TTLL12: variants seen among roughly 807,000 people sequenced by gnomAD.
TTLL12 encodes tubulin--tyrosine ligase-like protein 12.
Under a neutral mutation model 79.6 loss-of-function variants are expected in TTLL12, and 77 were observed. That is an observed-to-expected ratio of 0.97 (90% CI 0.81 to 1.17). The LOEUF is 1.17. TTLL12 is among the 50% of genes most tolerant of loss of function. The probability of loss-of-function intolerance (pLI) is 0.00; values close to 1 mark genes in which losing one functional copy is unlikely to be tolerated. For missense variants in TTLL12, 969 were observed against 895.9 expected, an observed-to-expected ratio of 1.08 and a Z score of -1.04; for synonymous variants, 437 against 376.1, an observed-to-expected ratio of 1.16 and a Z score of -1.87.
intron 2 of TTLL12, among the ~76,000 whole-genome samples, chr22:43,181,175 T>C (rs1932047534): frequency 6.6e-6 from 1 of 152,160 alleles, no homozygotes; most frequent in Non-Finnish European, 1.5e-5. Flanking sequence ...TTCAAGCTTC[T>C]CAAACAGGGC....
Position 43,168,004 on chromosome 22 carries a change from G to A in TTLL12, c.*4C>T. 7 of 1,613,238 alleles carry A rather than the reference G, an allele frequency of 4.3e-6. No individual in the cohort carries two copies. The highest frequency in any genetic ancestry group is 5.9e-6 in the Non-Finnish European group (7 of 1,179,412). On this transcript the variant is annotated 3_prime_UTR_variant, in exon 14 of 14. Coordinates refer to ENST00000216129, the MANE Select transcript of TTLL12 (RefSeq NM_015140.4). ...CAAGCACAGGTTTTGGGGACAGCGA[G>A]TGCCTAGACAAGGCAGGTAACGTGG...
chr22:43,172,537 G>A lies in TTLL12; in HGVS notation c.1359C>T (p.Ile453=), dbSNP rs373585281. The A allele has an allele frequency of 4.3e-6, 7 of 1,613,926 alleles. No individual in the cohort carries two copies. The highest frequency in any genetic ancestry group is 4.0e-5 in the African/African-American group (3 of 74,872). The change falls in exon 10 of 14, where the codon ATC becomes ATT. Residue 453 remains isoleucine (I), a synonymous_variant. Transcript: ENST00000216129. ...CTCGAAGGAACAACACGGGACTTTCGATGTACTTGGACACAACCTGGAGGA... is the reference window on the plus strand; with the variant it reads ...CTCGAAGGAACAACACGGGACTTTCAATGTACTTGGACACAACCTGGAGGA... ...ESTPKVVSKY[I]ESPVLFLRED... is the part of the protein sequence containing the mutation.
chr22:43,183,575 A>G (rs974474181), intron 1 of TTLL12, among the ~76,000 whole-genome samples: 5 of 152,226 alleles, frequency 3.3e-5, no homozygotes, highest in African/African-American at 4.8e-5. Flanking sequence ...GGCACACCCC[A>G]ATGCCCCCCT....
chr22:43,176,681 G>A (rs1931923045), intron 5 of TTLL12, among the ~76,000 whole-genome samples: 1 of 134,430 alleles, frequency 7.4e-6, no homozygotes, highest in South Asian at 2.5e-4. Context: ...AGTGAGCCGA[G>A]ATTGCGCCAC....
chr22:43,183,575 A>C (rs974474181), intron 1 of TTLL12, among the ~76,000 whole-genome samples: 5 of 152,226 alleles, frequency 3.3e-5, no homozygotes, highest in African/African-American at 4.8e-5. Context: ...GGCACACCCC[A>C]ATGCCCCCCT....
chr22:43,169,480 G>A lies in TTLL12; in HGVS notation c.1644+20C>T. The stretch of plus-strand genomic sequence containing the variant: ...GGACCCGCCCCACCGGCCTGCGATG[G>A]TGTGCAGGACAGGAATTACCTGGAC... On this transcript the variant is annotated intron_variant, in intron 12 of 13. Coordinates refer to ENST00000216129, the MANE Select transcript of TTLL12 (RefSeq NM_015140.4). 4 of 1,565,488 alleles carry A rather than the reference G, an allele frequency of 2.6e-6. No homozygotes were observed. In the African/African-American group the frequency reaches 4.1e-5, roughly 16 times the overall value.
chr22:43,176,729 C>CAAAAAA (rs869094672), intron 5 of TTLL12, among the ~76,000 whole-genome samples: 3 of 58,904 alleles, frequency 5.1e-5, no homozygotes, highest in African/African-American at 6.9e-5. Flanking sequence ...GACTACATCT[C>CAAAAAA]AAAAAAAAAA....
intron 11 of TTLL12, chr22:43,171,526 GCTGGGAACACA>G: frequency 3.3e-6 from 1 of 303,270 alleles, no homozygotes. Context: ...GTAAGCCCCG[GCTGGGAACACA>G]CTGTCTCAAC....
Position 43,176,416 on chromosome 22 carries a change from A to T in TTLL12, c.841-20T>A, listed in dbSNP as rs1176576992. The T allele has an allele frequency of 2.5e-6, 4 of 1,592,948 alleles. No individual in the cohort carries two copies. In the Admixed American group the frequency reaches 7.2e-5, roughly 29 times the overall value. ...AATGGCCTAAAAGGAAACACACCGG[A>T]AGTAGAGATGAGGTCAAGGAAGGGA... On this transcript the variant is annotated intron_variant, in intron 5 of 13. Transcript: ENST00000216129.
At chr22:43,168,642 C>T (rs1422899714) in intron 13 of TTLL12, 132 bp downstream of exon 13, 7 of 1,324,844 alleles carry the variant, frequency 5.3e-6, no homozygotes, top group Middle Eastern at 2.5e-4. Context: ...CCAGGGCTTT[C>T]CCCAACCCAG....
Position 43,168,090 on chromosome 22 carries a change from T to C in TTLL12, c.1853A>G (p.Tyr618Cys), listed in dbSNP as rs138773926. 14 of 1,614,032 alleles carry C rather than the reference T, an allele frequency of 8.7e-6. No homozygotes were observed. The highest frequency in any genetic ancestry group is 1.2e-5 in the Non-Finnish European group (14 of 1,180,008). ...FNPDCERACRYHPTFFNDVFS... is the reference protein window; with the variant it reads ...FNPDCERACRCHPTFFNDVFS... ...GACGTCGTTGAAGAAGGTGGGGTGG[T>C]ACCTGCAGGCTCGCTCACAGTCGGG... Residue 618 changes from tyrosine to cysteine, a missense_variant, in exon 14 of 14, where the codon TAC becomes TGC. Coordinates refer to ENST00000216129, the MANE Select transcript of TTLL12 (RefSeq NM_015140.4).
At chr22:43,176,729 CAAAAAAAAAAAAAAA>C (rs869094672) in intron 5 of TTLL12, among the ~76,000 whole-genome samples, 1 of 58,910 alleles carries the variant, frequency 1.7e-5, no homozygotes, top group Non-Finnish European at 3.1e-5. Context: ...GACTACATCT[CAAAAAAAAAAAAAAA>C]AAAAAAAAAG....
chr22:43,180,138 T>A (rs1932018559), intron 3 of TTLL12, 138 bp from the exon 4 acceptor site: 1 of 1,059,436 alleles, frequency 9.4e-7, no homozygotes, highest in South Asian at 1.6e-5. Flanking sequence ...CCCAGGCCCT[T>A]TAGCTAAGCT....
chr22:43,167,965 T>G lies in TTLL12; in HGVS notation c.*43A>C, dbSNP rs747619379. ...GCAGAAGCAGCTCAGAGAACTGAGGTTGGAATCCTGCCCCAAGCACAGGTT... is the reference window on the plus strand; with the variant it reads ...GCAGAAGCAGCTCAGAGAACTGAGGGTGGAATCCTGCCCCAAGCACAGGTT... On this transcript the variant is annotated 3_prime_UTR_variant, in exon 14 of 14. Transcript: ENST00000216129. 3.8e-6 allele frequency: 6 copies of G among 1,593,086 alleles called. No individual in the cohort carries two copies. Among genetic ancestry groups the G allele is most frequent in the Non-Finnish European group, 8.6e-7 (1 of 1,166,632 alleles).
At chr22:43,184,337 C>T (rs753722293) in intron 1 of TTLL12, among the ~76,000 whole-genome samples, 7 of 152,256 alleles carry the variant, frequency 4.6e-5, no homozygotes, top group Admixed American at 1.3e-4. Context: ...CTCAAGGTCT[C>T]GCTCAGGAAG....
At chr22:43,168,185 G>A in intron 13 of TTLL12, 26 bp from the exon 14 acceptor site, 1 of 1,608,308 alleles carries the variant, frequency 6.2e-7, no homozygotes, top group Non-Finnish European at 8.5e-7. Flanking sequence ...GCAGCAGAGT[G>A]TGAAGGCTCG....
chr22:43,168,641 T>C (rs1198995887), intron 13 of TTLL12, 133 bp downstream of exon 13: 1 of 1,313,506 alleles, frequency 7.6e-7, no homozygotes, highest in Admixed American at 2.1e-5. Context: ...GCCAGGGCTT[T>C]CCCCAACCCA....
rs752456488 is a variant in TTLL12, at chr22:43,174,419, A to AGGTGCGCCAGCTCAAGGGGAGGCC, written c.1035-40_1035-17dup. On this transcript the variant is annotated splice_polypyrimidine_tract_variant and intron_variant, in intron 7 of 13. Coordinates refer to ENST00000216129, the MANE Select transcript of TTLL12 (RefSeq NM_015140.4). ...GCTGAGTTTCCTGCAGGGCGGAGGC[A>AGGTGCGCCAGCTCAAGGGGAGGCC]GGTGCGCCAGCTCAAGGGGAGGCCG... is the stretch of plus-strand genomic sequence containing the variant. 1 of 1,559,342 alleles carries AGGTGCGCCAGCTCAAGGGGAGGCC rather than the reference A, an allele frequency of 6.4e-7. No homozygotes were observed. The highest frequency in any genetic ancestry group is 1.8e-5 in the Admixed American group (1 of 55,310).
Position 43,185,291 on chromosome 22 carries a change from A to C in TTLL12, c.177+1602T>G, listed in dbSNP as rs1569488238. Reference sequence around the variant, plus strand: ...TATATATATATATATATATATATATATATATATATGTATGTATCTTCAAGT... The same window carrying C: ...TATATATATATATATATATATATATCTATATATATGTATGTATCTTCAAGT... On this transcript the variant is annotated intron_variant, in intron 1 of 13. Coordinates refer to ENST00000216129, the MANE Select transcript of TTLL12 (RefSeq NM_015140.4). Among the ~76,000 whole-genome samples the C allele has an allele frequency of 1.1e-4, 9 of 84,586 alleles. 2 individuals carry two copies. The highest frequency in any genetic ancestry group is 1.0e-3 in the South Asian group (3 of 2,908). 55.5% of individuals were successfully genotyped at this position (84,586 alleles called of 152,430 possible).
Sources: gnomAD v4.1 joint callset for allele counts (sites outside exome capture counted in the v4.1 genomes callset) on GRCh38, gnomAD v4.1.1 for gene constraint, MANE v1.5 for transcripts, NCBI Gene and HGNC (gene_info 2026-07-23, HGNC 2026-07-21) for gene names.